Variants in SGCD observed in about 807,000 individuals in gnomAD.
SGCD encodes the protein sarcoglycan delta.
A neutral mutation model predicts 36.6 loss-of-function variants in SGCD; 18 were observed. The observed-to-expected ratio is 0.49, with a 90% CI of 0.34 to 0.73. SGCD has a LOEUF of 0.73. SGCD is among the 30% of genes least tolerant of loss of function. The pLI, the probability that SGCD is intolerant of heterozygous loss-of-function variation, is 0.01. For synonymous variants in SGCD, 133 were observed against 130.6 expected, an observed-to-expected ratio of 1.02 and a Z score of -0.12; for missense variants, 387 against 346.7, an observed-to-expected ratio of 1.12 and a Z score of -0.92.
Position 156,185,253 on chromosome 5 carries a change from T to C in SGCD, c.-44+61234T>C, listed in dbSNP as rs369765976. Among the ~76,000 whole-genome samples, 992 of 145,628 alleles carry C rather than the reference T, an allele frequency of 6.8e-3. 8 individuals are homozygous for C. Among genetic ancestry groups the C allele is most frequent in the South Asian group, 0.043 (199 of 4,592 alleles). On this transcript the variant is annotated intron_variant, in intron 3 of 9. Coordinates refer to the SGCD transcript ENST00000517913. ...TTTTTGAGACAGAGTCTTGCTCTGTTGCCCAGGCTGGAGTGCAGTGGCACA... is the reference window on the plus strand; with the variant it reads ...TTTTTGAGACAGAGTCTTGCTCTGTCGCCCAGGCTGGAGTGCAGTGGCACA...
In SGCD at chr5:155,983,114, G is replaced by C. The variant is rs528152413; in HGVS notation, c.-282+112690G>C. Among the ~76,000 whole-genome samples the C allele has an allele frequency of 6.6e-5, 10 of 152,254 alleles. 1 individual carries two copies. Among genetic ancestry groups the C allele is most frequent in the African/African-American group, 2.4e-4 (10 of 41,540 alleles). On this transcript the variant is annotated intron_variant, in intron 1 of 9. Transcript: ENST00000517913. ...TAAAATAATTCAAGCTTTCAGGTTT[G>C]CACAGGGAATATAGATCAATAATAG...
At chr5:156,368,882 A>G (rs147803008) in intron 3 of SGCD, among the ~76,000 whole-genome samples, 26 of 152,354 alleles carry the variant, frequency 1.7e-4, no homozygotes, top group African/African-American at 5.8e-4. Flanking sequence ...TAACTATTTC[A>G]TTATATATTG....
chr5:155,775,886 G>A, the SGCD span, among the ~76,000 whole-genome samples: 2 of 152,104 alleles, frequency 1.3e-5, no homozygotes, highest in Non-Finnish European at 2.9e-5. Context: ...AGAGTGTTTT[G>A]TAGAAACAGA....
chr5:155,827,179 A>G, the SGCD span, among the ~76,000 whole-genome samples: 1 of 152,188 alleles, frequency 6.6e-6, no homozygotes, highest in African/African-American at 2.4e-5. Flanking sequence ...AGCCAGAAAT[A>G]CCTAACGGAT....
intron 7 of SGCD, among the ~76,000 whole-genome samples, chr5:156,672,867 G>T (rs929895268): frequency 6.6e-6 from 1 of 152,062 alleles, no homozygotes; most frequent in Non-Finnish European, 1.5e-5. Context: ...TTATGTTGCC[G>T]TTCTCTTTTC....
chr5:156,051,930 C>A (rs879003128), intron 1 of SGCD, among the ~76,000 whole-genome samples: 1 of 145,278 alleles, frequency 6.9e-6, no homozygotes, highest in Non-Finnish European at 1.5e-5. Context: ...AGGTGGAAGG[C>A]GTTATGATGT....
intron 3 of SGCD, among the ~76,000 whole-genome samples, chr5:156,300,924 G>T (rs1212576205): frequency 6.8e-6 from 1 of 146,260 alleles, no homozygotes; most frequent in Non-Finnish European, 1.5e-5. Context: ...AAAGTATAAG[G>T]ACTCCTGCTC....
At chr5:156,381,909 C>T (rs1359454925) in intron 3 of SGCD, among the ~76,000 whole-genome samples, 1 of 152,118 alleles carries the variant, frequency 6.6e-6, no homozygotes, top group Non-Finnish European at 1.5e-5. Flanking sequence ...GTATATTCCT[C>T]CTATGGGTGT....
chr5:156,595,079 T>C (rs754708072), intron 6 of SGCD, 28 bp downstream of exon 6: 1 of 1,594,872 alleles, frequency 6.3e-7, no homozygotes, highest in Admixed American at 1.8e-5. Flanking sequence ...ATTTAACTTG[T>C]TTGATGCTAC....
chr5:156,624,512 C>T (rs1356065839), intron 6 of SGCD, among the ~76,000 whole-genome samples: 3 of 152,102 alleles, frequency 2.0e-5, no homozygotes, highest in East Asian at 1.9e-4. Flanking sequence ...ACCCAGGAGG[C>T]GGAGTTTGCA....
chr5:156,091,095 C>T lies in SGCD; in HGVS notation c.-281-26783C>T, dbSNP rs141721436. ...TGAGGTGACATACATCCTCAGCTTA[C>T]GAAGATGATGGGATTAAGAGATTAA... On this transcript the variant is annotated intron_variant, in intron 1 of 9. Coordinates refer to the SGCD transcript ENST00000517913. Among the ~76,000 whole-genome samples, 1,029 of 152,090 alleles carry T rather than the reference C, an allele frequency of 6.8e-3. 7 individuals are homozygous for T. The highest frequency in any genetic ancestry group is 0.011 in the South Asian group (55 of 4,816).
chr5:156,237,234 G>C (rs895445417), intron 3 of SGCD, among the ~76,000 whole-genome samples: 3 of 152,166 alleles, frequency 2.0e-5, no homozygotes, highest in Non-Finnish European at 4.4e-5. Context: ...AATGTGACTG[G>C]AAAAGTCAAC....
At chr5:156,116,076 C>T (rs1294897364) in intron 1 of SGCD, among the ~76,000 whole-genome samples, 1 of 152,056 alleles carries the variant, frequency 6.6e-6, no homozygotes, top group Non-Finnish European at 1.5e-5. Context: ...ATTTTGTCCT[C>T]ATTTTTGGTG....
At chr5:155,961,508 C>A (rs1012565038) in intron 1 of SGCD, among the ~76,000 whole-genome samples, 2 of 152,044 alleles carry the variant, frequency 1.3e-5, no homozygotes, top group Non-Finnish European at 2.9e-5. Flanking sequence ...AATTGGTCGG[C>A]AGTTTAACAT....
At chr5:156,340,069 C>T (rs1768566043) in intron 2 of SGCD, among the ~76,000 whole-genome samples, 1 of 152,182 alleles carries the variant, frequency 6.6e-6, no homozygotes, top group South Asian at 2.1e-4. Context: ...CAAAGTTACA[C>T]ATGGTATACA....
chr5:155,838,446 CTATATTTTGCTGATGA>C, the SGCD span, among the ~76,000 whole-genome samples: 1 of 151,968 alleles, frequency 6.6e-6, no homozygotes, highest in Non-Finnish European at 1.5e-5. Context: ...TTCTTACATT[CTATATTTTGCTGATGA>C]TATATTTTGC....
chr5:156,491,951 C>T (rs989773444), intron 3 of SGCD, among the ~76,000 whole-genome samples: 1 of 152,046 alleles, frequency 6.6e-6, no homozygotes, highest in Admixed American at 6.6e-5. Flanking sequence ...CTTGACAACT[C>T]CTGATACTGT....
At chr5:155,809,417 G>A in the SGCD span, among the ~76,000 whole-genome samples, 1 of 152,242 alleles carries the variant, frequency 6.6e-6, no homozygotes, top group African/African-American at 2.4e-5. Flanking sequence ...AAGGACACTA[G>A]TCTGGAGGTA....
intron 7 of SGCD, among the ~76,000 whole-genome samples, chr5:156,711,717 A>G (rs1490963341): frequency 6.6e-6 from 1 of 152,166 alleles, no homozygotes; most frequent in Non-Finnish European, 1.5e-5. Flanking sequence ...AGCAAAATAA[A>G]TCTCTCTGTA....
Sources: gnomAD v4.1 joint callset for allele counts (sites outside exome capture counted in the v4.1 genomes callset) on GRCh38, gnomAD v4.1.1 for gene constraint, MANE v1.5 for transcripts, NCBI Gene and HGNC (gene_info 2026-07-23, HGNC 2026-07-21) for gene names.